HMGN3: variants seen among roughly 807,000 people sequenced by gnomAD.
HMGN3 encodes high mobility group nucleosome-binding domain-containing protein 3.
Under a neutral mutation model 18.8 loss-of-function variants are expected in HMGN3, and 6 were observed. The ratio of observed to expected loss-of-function variants is 0.32; its 90% CI spans 0.18 to 0.63. HMGN3 has a LOEUF of 0.63. Ranked by LOEUF, HMGN3 falls within the 30% of genes least tolerant of loss-of-function variation. HMGN3 has a pLI of 0.79. For synonymous variants in HMGN3, 40 were observed against 36.5 expected (o/e 1.10, Z -0.35); for missense variants, 107 against 114.2 (o/e 0.94, Z 0.29).
At chr6:79,222,686 A>G (rs985981193) in intron 1 of HMGN3, among the ~76,000 whole-genome samples, 2 of 152,190 alleles carry the variant, frequency 1.3e-5, no homozygotes, top group African/African-American at 4.8e-5. Flanking sequence ...TAAATATCCA[A>G]TACTTGGAAT....
At chr6:79,229,735 G>T (rs916363269) in intron 1 of HMGN3, among the ~76,000 whole-genome samples, 38 of 152,220 alleles carry the variant, frequency 2.5e-4, no homozygotes, top group Non-Finnish European at 5.0e-4. Flanking sequence ...AAAATTAGCC[G>T]GGCGTAGTGG....
In HMGN3 at chr6:79,211,154, C is replaced by T. The variant is rs376432603; in HGVS notation, c.67-2578G>A. On this transcript the variant is annotated intron_variant, in intron 2 of 5. Coordinates refer to ENST00000344726, the Ensembl canonical transcript of HMGN3. ...TTCTATGCCATTAAAAAAGACTTTT[C>T]TTACATTTTCTTTTCCAGTAGCTAT... Among the ~76,000 whole-genome samples, 25 of 151,822 alleles carry T rather than the reference C, an allele frequency of 1.6e-4. No homozygotes were observed. The East Asian group carries it at 3.7e-3, about 22-fold the overall frequency.
chr6:79,204,071 A>G (rs1462566562), intron 3 of HMGN3, among the ~76,000 whole-genome samples: 1 of 152,232 alleles, frequency 6.6e-6, no homozygotes. Flanking sequence ...GGTAATGAAG[A>G]CTGCTGCCTG....
intron 1 of HMGN3, among the ~76,000 whole-genome samples, chr6:79,228,974 T>C (rs527446917): frequency 1.3e-5 from 2 of 152,344 alleles, no homozygotes; most frequent in South Asian, 4.1e-4. Context: ...CAAAGGTGCG[T>C]AGGCAATTCA....
chr6:79,211,473 T>G (rs1582411676), intron 2 of HMGN3, among the ~76,000 whole-genome samples: 1 of 151,906 alleles, frequency 6.6e-6, no homozygotes, highest in African/African-American at 2.4e-5. Context: ...TTGTTTTTTT[T>G]TTTTTTTTTT....
intron 1 of HMGN3, among the ~76,000 whole-genome samples, chr6:79,226,885 A>G (rs1020316278): frequency 3.9e-5 from 6 of 152,354 alleles, no homozygotes; most frequent in East Asian, 1.9e-4. Context: ...ACTGGATTCA[A>G]TAAATAGCTT....
intron 1 of HMGN3, chr6:79,234,230 C>A (rs1778025085): frequency 1.0e-5 from 3 of 295,030 alleles, no homozygotes; most frequent in Non-Finnish European, 1.9e-5. Context: ...AAAGAGGAAA[C>A]TCCCTTTCGG....
chr6:79,232,340 T>C (rs1777884016), intron 1 of HMGN3, among the ~76,000 whole-genome samples: 1 of 152,200 alleles, frequency 6.6e-6, no homozygotes, highest in Non-Finnish European at 1.5e-5. Context: ...TGGATGGCCA[T>C]GATCGCCGTG....
At chr6:79,204,206 C>A (rs1399233606) in intron 3 of HMGN3, among the ~76,000 whole-genome samples, 1 of 152,198 alleles carries the variant, frequency 6.6e-6, no homozygotes, top group Non-Finnish European at 1.5e-5. Context: ...TCTTGTCTAA[C>A]CAGATATGCT....
chr6:79,223,389 T>C (rs761150299), intron 1 of HMGN3, among the ~76,000 whole-genome samples: 2 of 152,206 alleles, frequency 1.3e-5, no homozygotes, highest in African/African-American at 2.4e-5. Context: ...CATATGCCTG[T>C]AGTCCTAGCT....
At position 79,205,588 on chromosome 6, in the gene HMGN3, A is replaced by G. The variant is rs150476604; in HGVS notation, c.97-1958T>C. 8.4e-3 allele frequency among the ~76,000 whole-genome samples: 1,278 copies of G among 152,266 alleles called. 24 individuals carry two copies. Among genetic ancestry groups the G allele is most frequent in the Admixed American group, 0.045 (683 of 15,292 alleles). Reference sequence around the variant, plus strand: ...TCCAATTAAACCTTTTTCTTTTGTAAATTGTCCAGTCTTGGGTATGTCTTT... The same window carrying G: ...TCCAATTAAACCTTTTTCTTTTGTAGATTGTCCAGTCTTGGGTATGTCTTT... On this transcript the variant is annotated intron_variant, in intron 3 of 5. Transcript: ENST00000344726.
chr6:79,234,338 T>G, intron 1 of HMGN3: 1 of 462,552 alleles, frequency 2.2e-6, no homozygotes, highest in Non-Finnish European at 3.9e-6. Context: ...GGAGAGAAAG[T>G]AACATTAAGA....
intron 1 of HMGN3, among the ~76,000 whole-genome samples, chr6:79,231,138 T>C (rs886860908): frequency 1.3e-5 from 2 of 152,230 alleles, no homozygotes; most frequent in Non-Finnish European, 2.9e-5. Context: ...ACATTTAAAA[T>C]AGTTCTAGTG....
chr6:79,211,786 C>G (rs554148231), intron 2 of HMGN3, among the ~76,000 whole-genome samples: 14 of 152,068 alleles, frequency 9.2e-5, no homozygotes, highest in Admixed American at 9.2e-4. Flanking sequence ...TCTGGTGAAG[C>G]CTATTCTGAA....
chr6:79,201,835 T>A, intron 5 of HMGN3, 109 bp from the exon 7 acceptor site: 1 of 1,485,370 alleles, frequency 6.7e-7, no homozygotes, highest in Non-Finnish European at 8.9e-7. Flanking sequence ...TTTTCTTTTT[T>A]TTTTCCAGCT....
At chr6:79,202,087 T>C (rs2127808847) in intron 5 of HMGN3, 2 of 1,538,742 alleles carry the variant, frequency 1.3e-6, no homozygotes, top group South Asian at 2.4e-5. Flanking sequence ...TCTGCCCCTT[T>C]ACTGACAGTG....
chr6:79,213,237 C>T lies in HMGN3; in HGVS notation c.66+1735G>A, dbSNP rs139070096. 8.1e-3 allele frequency among the ~76,000 whole-genome samples: 1,225 copies of T among 151,512 alleles called. 12 individuals are homozygous for T. The highest frequency in any genetic ancestry group is 0.013 in the Non-Finnish European group (878 of 67,852). Reference sequence around the variant, plus strand: ...CCAGCCTGGATGACAGAGTGAGATGCTATCTCAAAAAATAAAATAAAATAA... The same window carrying T: ...CCAGCCTGGATGACAGAGTGAGATGTTATCTCAAAAAATAAAATAAAATAA... On this transcript the variant is annotated intron_variant, in intron 2 of 5. Coordinates refer to ENST00000344726, the Ensembl canonical transcript of HMGN3.
intron 1 of HMGN3, among the ~76,000 whole-genome samples, chr6:79,219,173 A>T (rs1777147398): frequency 6.6e-6 from 1 of 152,240 alleles, no homozygotes; most frequent in African/African-American, 2.4e-5. Flanking sequence ...AACAGGACAT[A>T]TTGTAATAAA....
At chr6:79,224,687 TATTTCCATTGTA>T (rs1293436527) in intron 1 of HMGN3, among the ~76,000 whole-genome samples, 1 of 152,188 alleles carries the variant, frequency 6.6e-6, no homozygotes, top group East Asian at 1.9e-4. Context: ...ACAGTCTTAA[TATTTCCATTGTA>T]CAGATGAAGA....
Sources: allele counts gnomAD v4.1 joint callset (sites outside exome capture counted in the v4.1 genomes callset), GRCh38; gene constraint gnomAD v4.1.1; transcripts MANE v1.5; gene names NCBI Gene and HGNC (gene_info 2026-07-23, HGNC 2026-07-21).